The following CABIN1 variants were observed in gnomAD, a reference collection of about 807,000 sequenced individuals.
CABIN1 encodes the protein calcineurin binding protein 1.
Under a neutral mutation model 227.7 loss-of-function variants are expected in CABIN1, and 133 were observed. The observed-to-expected ratio is 0.58, with a 90% confidence interval of 0.51 to 0.67. CABIN1 has a LOEUF of 0.67. Ranked by LOEUF, CABIN1 falls within the 30% of genes least tolerant of loss-of-function variation. The pLI, the probability that CABIN1 is intolerant of heterozygous loss-of-function variation, is 0.00. For missense variants in CABIN1, 2,408 were observed against 2,852.5 expected (o/e 0.84, Z 3.55); for synonymous variants, 1,086 against 1,155.1 (o/e 0.94, Z 1.21).
In CABIN1 at chr22:24,070,894, A is replaced by G. The variant is rs768161453; in HGVS notation, c.2327A>G (p.Glu776Gly). 17 of 1,614,212 alleles carry G rather than the reference A, an allele frequency of 1.1e-5. No homozygotes were observed. Among genetic ancestry groups the G allele is most frequent in the Non-Finnish European group, 1.4e-5 (17 of 1,180,038 alleles). The change falls in exon 17 of 37, where the codon GAG becomes GGG. Residue 776 changes from glutamate (E) to glycine (G), a missense_variant. Glu to Gly is a moderately conservative substitution (Grantham distance 98). This residue lies in a region of CABIN1 where 1,045 missense variants were observed against 1,168.4 expected (regional missense o/e 0.89). Transcript: ENST00000263119. Reference sequence around the variant, plus strand: ...GTCCAGCAGATGGTGAACTCAGGTGAGGCTGCCGCCAAGGAGGAGTGGGTG... The same window carrying G: ...GTCCAGCAGATGGTGAACTCAGGTGGGGCTGCCGCCAAGGAGGAGTGGGTG... ...EAVQQMVNSG[E>G]AAAKEEWVAT...
At chr22:24,022,213 AC>A (rs1260250189) in intron 1 of CABIN1, among the ~76,000 whole-genome samples, 15 of 152,118 alleles carry the variant, frequency 9.9e-5, no homozygotes, top group Admixed American at 9.8e-4. Flanking sequence ...TGTTACCACC[AC>A]CATCATTACC....
chr22:24,178,017 A>G lies in CABIN1; in HGVS notation c.6520-36A>G, dbSNP rs761455481. ...GAGGGGCTTGGGGCAGAGCCCAGCC[A>G]TCCTTGACCAGTGCCCCGCCCGGCC... On this transcript the variant is annotated intron_variant, in intron 36 of 36. Transcript: ENST00000263119. 7 of 1,611,918 alleles carry G rather than the reference A, an allele frequency of 4.3e-6. No individual in the cohort carries two copies. In the East Asian group the frequency reaches 1.6e-4, roughly 36 times the overall value.
At chr22:24,112,015 T>G (rs1473674823) in intron 26 of CABIN1, among the ~76,000 whole-genome samples, 1 of 152,248 alleles carries the variant, frequency 6.6e-6, no homozygotes, top group Non-Finnish European at 1.5e-5. Flanking sequence ...ACTACAGCCT[T>G]TGACATACTA....
At position 24,034,648 on chromosome 22, in the gene CABIN1, G is replaced by C. The variant is rs910455639; in HGVS notation, c.-74-796G>C. ...TAGGAGTGGAATTCCCTGGTCATATGCTAGCTCTGTTTAACATTTTGAGGA... is the reference window on the plus strand; with the variant it reads ...TAGGAGTGGAATTCCCTGGTCATATCCTAGCTCTGTTTAACATTTTGAGGA... On this transcript the variant is annotated intron_variant, in intron 1 of 36. Coordinates refer to ENST00000263119, the MANE Select transcript of CABIN1 (RefSeq NM_012295.4). 8.5e-5 allele frequency among the ~76,000 whole-genome samples: 13 copies of C among 152,256 alleles called. No individual in the cohort carries two copies. In the South Asian group the frequency reaches 1.7e-3, roughly 19 times the overall value.
At chr22:24,042,866 G>GTGTGTA in intron 5 of CABIN1, 38 bp from the exon 6 acceptor site, 1 of 1,279,038 alleles carries the variant, frequency 7.8e-7, no homozygotes, top group African/African-American at 1.5e-5. Flanking sequence ...GTGTGTGTGT[G>GTGTGTA]TGTGTGTGTG....
At chr22:24,072,554 T>C (rs369133834) in intron 18 of CABIN1, 44 bp downstream of exon 18, 1 of 1,612,148 alleles carries the variant, frequency 6.2e-7, no homozygotes, top group Non-Finnish European at 8.5e-7. Flanking sequence ...CTGACTCCCA[T>C]GTCCTTGCCC....
intron 25 of CABIN1, 106 bp from the exon 26 acceptor site, chr22:24,097,908 C>A: frequency 7.0e-7 from 1 of 1,426,018 alleles, no homozygotes; most frequent in Non-Finnish European, 9.9e-7. Flanking sequence ...ACCAGAGGTG[C>A]ATGGGAGCAG....
At chr22:24,088,470 T>C (rs545135241) in intron 23 of CABIN1, among the ~76,000 whole-genome samples, 29 of 152,112 alleles carry the variant, frequency 1.9e-4, no homozygotes, top group Non-Finnish European at 3.8e-4. Flanking sequence ...TAGCCAGGCA[T>C]GGTGGTGCAT....
intron 12 of CABIN1, 146 bp downstream of exon 12, chr22:24,060,287 G>A (rs1569145035): frequency 1.3e-6 from 1 of 772,678 alleles, no homozygotes; most frequent in Non-Finnish European, 2.2e-6. Flanking sequence ...GTCGAAGCAG[G>A]AAGTCACTGA....
At chr22:24,175,212 C>T (rs925664806) in intron 34 of CABIN1, among the ~76,000 whole-genome samples, 11 of 152,196 alleles carry the variant, frequency 7.2e-5, no homozygotes, top group Non-Finnish European at 7.3e-5. Flanking sequence ...GACAAGGCCT[C>T]AGCCAGCCTG....
intron 10 of CABIN1, 106 bp from the exon 11 acceptor site, chr22:24,059,121 A>T: frequency 1.4e-6 from 2 of 1,461,910 alleles, no homozygotes. Flanking sequence ...CACTTATTTT[A>T]GCTGCCTTCT....
chr22:24,063,939 G>A, intron 14 of CABIN1, 96 bp from the exon 15 acceptor site: 1 of 1,495,522 alleles, frequency 6.7e-7, no homozygotes, highest in Non-Finnish European at 9.3e-7. Context: ...CACCCTCATG[G>A]CCTCCACAGT....
rs1171018798 is a variant in CABIN1, at chr22:24,097,929, G to A, written c.3939-85G>A. 3 of 1,532,546 alleles carry A rather than the reference G, an allele frequency of 2.0e-6. No individual in the cohort carries two copies. The African/African-American group carries it at 4.1e-5, about 21-fold the overall frequency. The allele number at this position is 1,532,546 out of a possible 1,614,324, so 94.9% of individuals were successfully genotyped here. A position where few individuals can be genotyped will look rare whatever the true frequency, so the allele number is the denominator to read the frequency against. On this transcript the variant is annotated intron_variant, in intron 25 of 36. Coordinates refer to ENST00000263119, the MANE Select transcript of CABIN1 (RefSeq NM_012295.4). ...GGTGCATGGGAGCAGTGGGCCCTGG[G>A]AAGGGCATTCACCCTTACCAGTACA...
Position 24,064,044 on chromosome 22 carries a change from G to A in CABIN1, c.1894G>A (p.Glu632Lys). ...TTTTCCGTCTAACCAGGGAGACATG[G>A]AGCAGGCCCTGGAGAACTATGACAT... ...ARFLALQGDMEQALENYDICT... is the reference protein window; with the variant it reads ...ARFLALQGDMKQALENYDICT... Residue 632 changes from glutamate to lysine, a missense_variant, in exon 15 of 37, where the codon GAG (glutamate) becomes AAG (lysine). Glu to Lys is a moderately conservative substitution (Grantham distance 56). Around this residue, in one of 3 missense-constraint regions of CABIN1, gnomAD observed 1,045 missense variants for 1,168.4 expected, o/e 0.89. Transcript: ENST00000263119. 6.2e-7 allele frequency: 1 copy of A among 1,614,184 alleles called. No individual in the cohort carries two copies. Among genetic ancestry groups the A allele is most frequent in the Non-Finnish European group, 8.5e-7 (1 of 1,180,038 alleles).
At chr22:24,126,740 T>G in intron 28 of CABIN1, among the ~76,000 whole-genome samples, 1 of 152,222 alleles carries the variant, frequency 6.6e-6, no homozygotes, top group African/African-American at 2.4e-5. Flanking sequence ...GGCTCCCGCC[T>G]GTAATCCCAG....
At chr22:24,081,582 G>A (rs953727422) in intron 19 of CABIN1, among the ~76,000 whole-genome samples, 1 of 151,994 alleles carries the variant, frequency 6.6e-6, no homozygotes, top group Non-Finnish European at 1.5e-5. Context: ...TTGGTTTATT[G>A]ATCCATTTTT....
chr22:24,084,869 T>G (rs141281302), intron 21 of CABIN1, 84 bp downstream of exon 21: 773 of 1,569,956 alleles, frequency 4.9e-4, no homozygotes, highest in Non-Finnish European at 6.1e-4. Context: ...CTCCTTTGCT[T>G]CTTTTTCTGC....
intron 1 of CABIN1, among the ~76,000 whole-genome samples, chr22:24,013,660 A>G (rs1040613941): frequency 3.9e-5 from 6 of 152,204 alleles, no homozygotes; most frequent in Non-Finnish European, 8.8e-5. Flanking sequence ...TATTAACTAC[A>G]TTACAGATGT....
intron 19 of CABIN1, among the ~76,000 whole-genome samples, chr22:24,078,948 T>C (rs1298328564): frequency 7.3e-6 from 1 of 137,550 alleles, no homozygotes; most frequent in Admixed American, 7.0e-5. Context: ...AAATTTTACA[T>C]ACTAAATATA....
Sources: gnomAD v4.1 joint callset for allele counts (sites outside exome capture counted in the v4.1 genomes callset) on GRCh38, gnomAD v4.1.1 for gene constraint, gnomAD v4.1.1 regional missense constraint, MANE v1.5 for transcripts, NCBI Gene and HGNC (gene_info 2026-07-23, HGNC 2026-07-21) for gene names.